The following TNK1 variants were observed in gnomAD, a reference collection of about 807,000 sequenced individuals.
TNK1 encodes the protein non-receptor tyrosine-protein kinase TNK1.
A neutral mutation model predicts 65.2 loss-of-function variants in TNK1; 53 were observed. The observed-to-expected ratio is 0.81, with a 90% confidence interval of 0.65 to 1.02. The LOEUF (loss-of-function observed/expected upper bound fraction) is 1.02, where lower values mean the gene tolerates loss of function less well. Ranked by LOEUF, TNK1 falls within the 50% of genes least tolerant of loss-of-function variation. The pLI is 0.00. For missense variants in TNK1, 837 were observed against 878.4 expected, an observed-to-expected ratio of 0.95 and a Z score of 0.60; for synonymous variants, 353 against 364.6, an observed-to-expected ratio of 0.97 and a Z score of 0.36.
Position 7,384,607 on chromosome 17 carries a change from C to T in TNK1, c.990C>T (p.Tyr330=), listed in dbSNP as rs774929948. The T allele has an allele frequency of 1.9e-6, 3 of 1,612,680 alleles. No homozygotes were observed. The South Asian group carries it at 3.3e-5, about 18-fold the overall frequency. ...GEEPWAGVPP[Y]LILQRLEDRA... ...AACCCTGGGCCGGGGTCCCACCGTA[C>T]CTCATCCTGCAGCGGCTGGAGGACA... is the stretch of plus-strand genomic sequence containing the variant. Residue 330 remains tyrosine, a synonymous_variant, in exon 7 of 13, where the codon TAC becomes TAT. Coordinates refer to ENST00000688331, the MANE Select transcript of TNK1 (RefSeq NM_003985.6).
At position 7,387,554 on chromosome 17, in the gene TNK1, C is replaced by T. The variant is rs536880064; in HGVS notation, c.1477+97C>T. The T allele has an allele frequency of 1.9e-5, 20 of 1,046,016 alleles. No individual in the cohort carries two copies. The Admixed American group carries it at 3.2e-4, about 17-fold the overall frequency. The allele number at this position is 1,046,016 out of a possible 1,614,324, so 64.8% of individuals were successfully genotyped here. On this transcript the variant is annotated intron_variant, in intron 10 of 12. Coordinates refer to ENST00000688331, the MANE Select transcript of TNK1 (RefSeq NM_003985.6). The stretch of plus-strand genomic sequence containing the variant: ...ATCCATGCCTTTGCATCTATTATTT[C>T]CTTCCTCTGAATTCTGTCTGCTGGC...
chr17:7,389,427 G>A lies in TNK1; in HGVS notation c.*343G>A, dbSNP rs1905453305. 2.2e-6 allele frequency: 1 copy of A among 458,690 alleles called. No homozygotes were observed. Among genetic ancestry groups the A allele is most frequent in the African/African-American group, 2.0e-5 (1 of 50,494 alleles). The allele number at this position is 458,690 out of a possible 1,614,324, so 28.4% of individuals were successfully genotyped here. ...TTCTACGCGCTAGAGAGGATCAAGG[G>A]GCCACACTGGACCATGTGAACAGCC... On this transcript the variant is annotated 3_prime_UTR_variant, in exon 13 of 13. Transcript: ENST00000688331.
intron 7 of TNK1, among the ~76,000 whole-genome samples, chr17:7,385,656 C>T (rs967105295): frequency 1.3e-5 from 2 of 152,088 alleles, no homozygotes; most frequent in South Asian, 4.1e-4. Flanking sequence ...CCTCCGCCTC[C>T]TGGGTTCAAG....
intron 2 of TNK1, 55 bp from the exon 3 acceptor site, chr17:7,383,195 C>T (rs1169033742): frequency 1.9e-6 from 3 of 1,613,058 alleles, no homozygotes; most frequent in East Asian, 4.5e-5. Flanking sequence ...GTAAGTCTCT[C>T]CGCACTCTTC....
intron 9 of TNK1, 111 bp from the exon 10 acceptor site, chr17:7,387,267 C>A: frequency 1.3e-6 from 2 of 1,504,262 alleles, no homozygotes; most frequent in Non-Finnish European, 1.8e-6. Flanking sequence ...GCAGCCTCCA[C>A]CCTGGGCCCT....
rs114938550 is a variant in TNK1 at position 7,383,107 on chromosome 17, C to T, written c.163+18C>T. The T allele has an allele frequency of 2.5e-3, 3,979 of 1,613,662 alleles. 86 individuals are homozygous for T. The African/African-American group carries it at 0.046, about 19-fold the overall frequency. Reference sequence around the variant, plus strand: ...CCGGCCTGGTGAGGGACCCCTGCCCCGAGGCCCTGGTCTCTCTGTCCACAG... The same window carrying T: ...CCGGCCTGGTGAGGGACCCCTGCCCTGAGGCCCTGGTCTCTCTGTCCACAG... On this transcript the variant is annotated intron_variant, in intron 2 of 12. Transcript: ENST00000688331.
upstream of TNK1, among the ~76,000 whole-genome samples, chr17:7,380,128 A>T (rs192213395): frequency 2.1e-3 from 326 of 152,230 alleles, 3 homozygotes; most frequent in Non-Finnish European, 3.8e-3. Flanking sequence ...CATTATAAGC[A>T]AGGAGGAAGA....
Position 7,383,507 on chromosome 17 carries a change from G to C in TNK1, c.317G>C (p.Gly106Ala). Residue 106 changes from glycine to alanine, a missense_variant, in exon 4 of 13, where the codon GGC becomes GCC. Physicochemically the swap from Gly to Ala is moderately conservative, Grantham distance 60. Transcript: ENST00000688331. ...SPRHLPEPEG[G>A]LKCLIPEGAV... Reference sequence around the variant, plus strand: ...CGGCACCTCCCTGAGCCAGAGGGGGGCCTCAAGTGTCTGATCCCAGAGGGT... The same window carrying C: ...CGGCACCTCCCTGAGCCAGAGGGGGCCCTCAAGTGTCTGATCCCAGAGGGT... The C allele has an allele frequency of 6.2e-7, 1 of 1,613,874 alleles. No individual in the cohort carries two copies. Among genetic ancestry groups the C allele is most frequent in the Non-Finnish European group, 8.5e-7 (1 of 1,179,884 alleles).
At position 7,383,405 on chromosome 17, in the gene TNK1, A is replaced by G. The variant is rs2143098103; in HGVS notation, c.235-20A>G. 5 of 1,613,852 alleles carry G rather than the reference A, an allele frequency of 3.1e-6. 1 individual carries two copies. Among genetic ancestry groups the G allele is most frequent in the Non-Finnish European group, 4.2e-6 (5 of 1,179,828 alleles). ...GGGGGCGCAGGGCTCTGCATACCGG[A>G]TTTCCCATCCCTGTTTCAGATCCTT... On this transcript the variant is annotated intron_variant, in intron 3 of 12. Coordinates refer to ENST00000688331, the MANE Select transcript of TNK1 (RefSeq NM_003985.6).
rs397935441 is a variant in TNK1, at chr17:7,382,280, A to AG, written c.-91-555dup. ...GACTCCGTCTCAAAAAAAAAAAAAAAGAGGACATGTATTTGGGAGTCTCGG... is the reference window on the plus strand; with the variant it reads ...GACTCCGTCTCAAAAAAAAAAAAAAAGGAGGACATGTATTTGGGAGTCTCGG... On this transcript the variant is annotated intron_variant, in intron 1 of 12. Transcript: ENST00000688331. The surrounding 1 kb of genome is among the most constrained non-coding windows in gnomAD (Gnocchi z 4.1). Among the ~76,000 whole-genome samples the AG allele has an allele frequency of 1.3e-5, 2 of 150,750 alleles. No individual in the cohort carries two copies. The highest frequency in any genetic ancestry group is 3.0e-5 in the Non-Finnish European group (2 of 67,630).
Position 7,383,865 on chromosome 17 carries a change from G to A in TNK1, c.582+1G>A. The A allele has an allele frequency of 6.2e-7, 1 of 1,607,232 alleles. No homozygotes were observed. Among genetic ancestry groups the A allele is most frequent in the Non-Finnish European group, 8.5e-7 (1 of 1,176,926 alleles). ...TGTACTGGGCCAGCCTCTGCAGATG[G>A]TGAGCAGATCCAGCCGCTGGTTCCC... On this transcript the variant is annotated splice_donor_variant, in intron 5 of 12. Coordinates refer to ENST00000688331, the MANE Select transcript of TNK1 (RefSeq NM_003985.6). LOFTEE classifies it high-confidence loss of function.
At chr17:7,385,697 TG>T (rs1293257625) in intron 7 of TNK1, among the ~76,000 whole-genome samples, 1 of 152,106 alleles carries the variant, frequency 6.6e-6, no homozygotes, top group Non-Finnish European at 1.5e-5. Flanking sequence ...CCCGAGTAGC[TG>T]GGATTACAGG....
At chr17:7,384,788 C>G in intron 7 of TNK1, 34 bp downstream of exon 7, 2 of 1,547,004 alleles carry the variant, frequency 1.3e-6, no homozygotes, top group Non-Finnish European at 1.7e-6. Context: ...ATACACAGTC[C>G]CTCTTCCCTC....
intron 7 of TNK1, among the ~76,000 whole-genome samples, chr17:7,385,709 C>CAT (rs1216154352): frequency 2.2e-4 from 34 of 152,172 alleles, no homozygotes; most frequent in Admixed American, 5.2e-4. Context: ...GGATTACAGG[C>CAT]GCCTGCCACC....
chr17:7,388,354 G>A lies in TNK1; in HGVS notation c.1478-52G>A. On this transcript the variant is annotated intron_variant, in intron 10 of 12. Coordinates refer to ENST00000688331, the MANE Select transcript of TNK1 (RefSeq NM_003985.6). This position sits in a 1 kb window ranked among gnomAD's most constrained non-coding sequence, Gnocchi z 4.5. ...GTGGGAGGATCGCTTGAGCCCGGGA[G>A]GCGGAGGCTGCAGCCAGCCGAGTTC... The A allele has an allele frequency of 2.0e-6, 3 of 1,534,944 alleles. No homozygotes were observed. Among genetic ancestry groups the A allele is most frequent in the South Asian group, 2.5e-5 (2 of 78,814 alleles).
intron 7 of TNK1, 29 bp from the exon 8 acceptor site, chr17:7,386,532 C>T (rs979168648): frequency 1.3e-6 from 2 of 1,564,026 alleles, no homozygotes; most frequent in Admixed American, 3.7e-5. Flanking sequence ...GGCCACAAGC[C>T]CAGCCACCCT....
chr17:7,385,503 T>C (rs1245050529), intron 7 of TNK1, among the ~76,000 whole-genome samples: 2 of 152,160 alleles, frequency 1.3e-5, no homozygotes, highest in Non-Finnish European at 2.9e-5. Flanking sequence ...CTGTGCACTT[T>C]ACATGGGCGC....
rs756176354 is a variant in TNK1 at position 7,383,429 on chromosome 17, T to A, written c.239T>A (p.Leu80His). 6.2e-7 allele frequency: 1 copy of A among 1,613,972 alleles called. No homozygotes were observed. The highest frequency in any genetic ancestry group is 1.1e-5 in the South Asian group (1 of 91,086). The change falls in exon 4 of 13, where the codon CTT (leucine) becomes CAT (histidine). Residue 80 changes from leucine (L) to histidine (H), a missense_variant. Leu to His is a moderately conservative substitution (Grantham distance 99). Coordinates refer to ENST00000688331, the MANE Select transcript of TNK1 (RefSeq NM_003985.6). Reference protein sequence around the residue: ...PKSKNWVYKILGGFAPEHKEP... With the variant: ...PKSKNWVYKIHGGFAPEHKEP... ...GATTTCCCATCCCTGTTTCAGATCCTTGGAGGTTTTGCCCCTGAGCACAAG... is the reference window on the plus strand; with the variant it reads ...GATTTCCCATCCCTGTTTCAGATCCATGGAGGTTTTGCCCCTGAGCACAAG...
chr17:7,382,459 CATGTCTCATGTTGGAGGAAGGGAG>C lies in TNK1; in HGVS notation c.-91-347_-91-324del, dbSNP rs943721069. On this transcript the variant is annotated intron_variant, in intron 1 of 12. Coordinates refer to ENST00000688331, the MANE Select transcript of TNK1 (RefSeq NM_003985.6). This position sits in a 1 kb window ranked among gnomAD's most constrained non-coding sequence, Gnocchi z 4.1. The stretch of plus-strand genomic sequence containing the variant: ...ATCTCCAGTGTGTGTGGTAGGCAAA[CATGTCTCATGTTGGAGGAAGGGAG>C]ATGTCTCATGTTGGAGGAAGGGAGA... Among the ~76,000 whole-genome samples the C allele has an allele frequency of 1.2e-4, 19 of 152,008 alleles. No homozygotes were observed. Among genetic ancestry groups the C allele is most frequent in the East Asian group, 3.9e-4 (2 of 5,190 alleles).
Sources: allele counts gnomAD v4.1 joint callset (sites outside exome capture counted in the v4.1 genomes callset), GRCh38; gene constraint gnomAD v4.1.1; non-coding constraint Gnocchi (gnomAD v3.1); transcripts MANE v1.5; gene names NCBI Gene and HGNC (gene_info 2026-07-23, HGNC 2026-07-21).